Variants in SH3GL3 observed in about 807,000 individuals in gnomAD.
SH3GL3 encodes SH3 domain containing GRB2 like 3, endophilin A3.
SH3GL3 carries 33 observed loss-of-function variants against 47.7 expected under a neutral mutation model. That is an observed-to-expected ratio of 0.69 (90% CI 0.52 to 0.92). SH3GL3 has a LOEUF of 0.92. SH3GL3 is among the 40% of genes least tolerant of loss of function. SH3GL3 has a pLI of 0.00. For missense variants in SH3GL3, 363 were observed against 417.8 expected (o/e 0.87, Z 1.14); for synonymous variants, 155 against 148.8 (o/e 1.04, Z -0.30).
chr15:83,613,280 G>A (rs1289049461), intron 8 of SH3GL3, among the ~76,000 whole-genome samples: 1 of 152,106 alleles, frequency 6.6e-6, no homozygotes, highest in African/African-American at 2.4e-5. Context: ...TCTTGAACAG[G>A]GTCTTTCTAC....
At position 83,448,272 on chromosome 15, in the gene SH3GL3, G is replaced by A. The variant is rs1484564852; in HGVS notation, c.45+694G>A. On this transcript the variant is annotated intron_variant, in intron 1 of 8. Coordinates refer to ENST00000427482, the MANE Select transcript of SH3GL3 (RefSeq NM_003027.5). The surrounding 1 kb of genome is among the most constrained non-coding windows in gnomAD (Gnocchi z 4.2). ...AGTGCTAGACACACCTCCACGCACAGAGGATGACAAATAACACAGTGGGGG... is the reference window on the plus strand; with the variant it reads ...AGTGCTAGACACACCTCCACGCACAAAGGATGACAAATAACACAGTGGGGG... Among the ~76,000 whole-genome samples, 1 of 152,198 alleles carries A rather than the reference G, an allele frequency of 6.6e-6. No homozygotes were observed. The highest frequency in any genetic ancestry group is 1.5e-5 in the Non-Finnish European group (1 of 68,046).
intron 5 of SH3GL3, among the ~76,000 whole-genome samples, chr15:83,572,899 A>G (rs571711319): frequency 2.6e-5 from 4 of 152,330 alleles, no homozygotes; most frequent in Non-Finnish European, 2.9e-5. Context: ...GAGATGAAGC[A>G]GGATAATGGG....
intron 1 of SH3GL3, among the ~76,000 whole-genome samples, chr15:83,481,626 AAG>A (rs1350281632): frequency 2.0e-5 from 3 of 152,234 alleles, no homozygotes; most frequent in Non-Finnish European, 4.4e-5. Flanking sequence ...ATATATCTGA[AAG>A]AGCACAGTGG....
chr15:83,599,468 T>A (rs1283348559), intron 8 of SH3GL3, among the ~76,000 whole-genome samples: 2 of 152,212 alleles, frequency 1.3e-5, no homozygotes, highest in Non-Finnish European at 2.9e-5. Context: ...CATTCCTGAG[T>A]TTCTTCACTT....
chr15:83,579,948 C>T (rs1056101744), intron 6 of SH3GL3, among the ~76,000 whole-genome samples: 2 of 152,202 alleles, frequency 1.3e-5, no homozygotes, highest in Non-Finnish European at 2.9e-5. Context: ...TTGGACCTGA[C>T]ATGCCAATGC....
intron 1 of SH3GL3, among the ~76,000 whole-genome samples, chr15:83,475,112 C>G (rs1185377875): frequency 6.6e-6 from 1 of 151,040 alleles, no homozygotes; most frequent in Admixed American, 6.6e-5. Flanking sequence ...ATCTTAAAAC[C>G]TATTTTAATA....
intron 6 of SH3GL3, among the ~76,000 whole-genome samples, chr15:83,577,619 TG>T (rs1444558352): frequency 1.3e-5 from 2 of 151,842 alleles, no homozygotes; most frequent in African/African-American, 4.8e-5. Flanking sequence ...CATGAACCCT[TG>T]GGCTCAAGCC....
At chr15:83,597,705 G>A (rs1042680039) in intron 8 of SH3GL3, among the ~76,000 whole-genome samples, 3 of 151,870 alleles carry the variant, frequency 2.0e-5, no homozygotes, top group Non-Finnish European at 2.9e-5. Context: ...CGCCTCCCAG[G>A]TTCAAGCGAT....
At chr15:83,473,624 C>G (rs1217022285) in intron 1 of SH3GL3, among the ~76,000 whole-genome samples, 2 of 151,486 alleles carry the variant, frequency 1.3e-5, no homozygotes. Flanking sequence ...CTTGGCTCAC[C>G]ACAAGCTCCG....
At chr15:83,545,482 G>T (rs1413964795) in intron 1 of SH3GL3, among the ~76,000 whole-genome samples, 1 of 152,078 alleles carries the variant, frequency 6.6e-6, no homozygotes, top group Admixed American at 6.5e-5. Context: ...TTGTCTGAAA[G>T]GTCACATATC....
chr15:83,568,580 A>C lies in SH3GL3; in HGVS notation c.239A>C (p.Gln80Pro). The part of the protein sequence containing the change: ...MLNTVSKIRG[Q>P]VKTTGYPQTE... ...AACACTGTGTCGAAGATCCGAGGGC[A>C]GGTGAAGACCACAGGATACCCGCAG... The change falls in exon 4 of 9, where the codon CAG becomes CCG. Residue 80 changes from glutamine to proline, a missense_variant. Coordinates refer to ENST00000427482, the MANE Select transcript of SH3GL3 (RefSeq NM_003027.5). The C allele has an allele frequency of 1.2e-6, 2 of 1,613,068 alleles. No individual in the cohort carries two copies. The highest frequency in any genetic ancestry group is 8.5e-7 in the Non-Finnish European group (1 of 1,178,990).
At chr15:83,473,211 C>A (rs767886118) in intron 1 of SH3GL3, among the ~76,000 whole-genome samples, 1 of 142,008 alleles carries the variant, frequency 7.0e-6, no homozygotes, top group Non-Finnish European at 1.5e-5. Context: ...ATGCTGTCCA[C>A]TACCACCAAA....
chr15:83,460,031 T>TC (rs1467810501), intron 1 of SH3GL3, among the ~76,000 whole-genome samples: 1 of 21,818 alleles, frequency 4.6e-5, no homozygotes, highest in Non-Finnish European at 7.0e-5. Context: ...CTCCCCTCCC[T>TC]CCCTCCCTCC....
chr15:83,525,498 T>C (rs7181635), intron 1 of SH3GL3, among the ~76,000 whole-genome samples: 7,218 of 152,144 alleles, frequency 0.047, 290 homozygotes, highest in East Asian at 0.11. Flanking sequence ...GATTGTTTCC[T>C]TTGATGTGCA....
chr15:83,609,525 C>T (rs915117071), intron 8 of SH3GL3: 18 of 329,026 alleles, frequency 5.5e-5, no homozygotes, highest in African/African-American at 3.9e-4. Context: ...ATGTTGACAG[C>T]GTTGTATGAA....
intron 1 of SH3GL3, among the ~76,000 whole-genome samples, chr15:83,458,880 A>G (rs1321143320): frequency 6.6e-6 from 1 of 152,238 alleles, no homozygotes; most frequent in Non-Finnish European, 1.5e-5. Context: ...GGTTAGATGT[A>G]TATATGAAAG....
chr15:83,497,564 T>C (rs1343795541), intron 1 of SH3GL3, among the ~76,000 whole-genome samples: 2 of 152,190 alleles, frequency 1.3e-5, no homozygotes, highest in Non-Finnish European at 2.9e-5. Context: ...CTAAGGTCTG[T>C]GCAGGTTACA....
At chr15:83,458,357 A>G (rs1053262435) in intron 1 of SH3GL3, among the ~76,000 whole-genome samples, 7 of 152,168 alleles carry the variant, frequency 4.6e-5, no homozygotes, top group African/African-American at 1.7e-4. Flanking sequence ...TTTACCACAC[A>G]CAGCACCAGC....
At position 83,618,144 on chromosome 15, in the gene SH3GL3, C is replaced by T. The variant is rs149974045; in HGVS notation, c.901C>T (p.Gln301Ter). The T allele has an allele frequency of 9.9e-6, 16 of 1,613,596 alleles. No homozygotes were observed. Among genetic ancestry groups the T allele is most frequent in the Non-Finnish European group, 1.4e-5 (16 of 1,179,542 alleles). The change falls in exon 9 of 9, where the codon CAA (glutamine) becomes TAA (stop). Residue 301 changes from glutamine (Q) to a stop codon, truncating the protein, a stop_gained. Transcript: ENST00000427482. LOFTEE classifies it high-confidence loss of function. ...TCTCTATGACTTTGAGCCAGAAAAC[C>T]AAGGAGAATTAGGATTTAAAGAAGG... ...RGLYDFEPEN[Q>*]GELGFKEGDI...
Sources: gnomAD v4.1 joint callset for allele counts (sites outside exome capture counted in the v4.1 genomes callset) on GRCh38, gnomAD v4.1.1 for gene constraint, Gnocchi (gnomAD v3.1) non-coding constraint, MANE v1.5 for transcripts, NCBI Gene and HGNC (gene_info 2026-07-23, HGNC 2026-07-21) for gene names.